AP1S3: variants seen among roughly 807,000 people sequenced by gnomAD.
The protein encoded by AP1S3 is adaptor related protein complex 1 subunit sigma 3, also known as AP-1 complex subunit sigma-3.
In AP1S3, 10 loss-of-function variants were observed where a neutral mutation model predicts 20.9. The ratio of observed to expected loss-of-function variants is 0.48; its 90% CI spans 0.29 to 0.81. AP1S3 has a LOEUF of 0.81. AP1S3 is among the 30% of genes least tolerant of loss of function. AP1S3 has a pLI of 0.08. For missense variants in AP1S3, 154 were observed against 183.8 expected (o/e 0.84, Z 0.94); for synonymous variants, 41 against 61.5 (o/e 0.67, Z 1.56).
intron 1 of AP1S3, among the ~76,000 whole-genome samples, chr2:223,828,034 G>A (rs1274520491): frequency 2.3e-5 from 3 of 127,736 alleles, no homozygotes; most frequent in Non-Finnish European, 3.1e-5. Context: ...ACTCCAGCCT[G>A]GGGTACAAGA....
At chr2:223,821,206 T>G (rs898986237) in intron 1 of AP1S3, among the ~76,000 whole-genome samples, 9 of 152,214 alleles carry the variant, frequency 5.9e-5, no homozygotes, top group African/African-American at 2.2e-4. Context: ...CAGGCTGGAG[T>G]GTGCAGTAGC....
At chr2:223,813,991 G>C (rs1691791980) in intron 1 of AP1S3, among the ~76,000 whole-genome samples, 1 of 152,174 alleles carries the variant, frequency 6.6e-6, no homozygotes, top group Non-Finnish European at 1.5e-5. Flanking sequence ...TCTGCAGAAG[G>C]CAAAATGAAA....
intron 3 of AP1S3, among the ~76,000 whole-genome samples, chr2:223,768,257 C>T (rs1285682613): frequency 6.6e-6 from 1 of 152,094 alleles, no homozygotes; most frequent in Non-Finnish European, 1.5e-5. Flanking sequence ...GAATTGTGTC[C>T]CCAAATGTCC....
intron 3 of AP1S3, chr2:223,770,178 A>T (rs754962286): frequency 1.3e-6 from 2 of 1,549,854 alleles, no homozygotes; most frequent in Non-Finnish European, 1.7e-6. Flanking sequence ...GAAAGAAGGT[A>T]TGAGAAGAAA....
intron 3 of AP1S3, chr2:223,773,445 C>T: frequency 1.7e-6 from 2 of 1,199,786 alleles, no homozygotes; most frequent in Non-Finnish European, 2.2e-6. Flanking sequence ...TGTTATTATA[C>T]ATTTGCAAAT....
At position 223,756,476 on chromosome 2, in the gene AP1S3, AAG is replaced by A. The variant is rs1690224365; in HGVS notation, c.*2237_*2238del. 1.1e-6 allele frequency: 1 copy of A among 944,582 alleles called. No individual in the cohort carries two copies. Among genetic ancestry groups the A allele is most frequent in the Admixed American group, 6.2e-5 (1 of 16,156 alleles). 58.5% of individuals were successfully genotyped at this position (944,582 alleles called of 1,614,324 possible). On this transcript the variant is annotated 3_prime_UTR_variant, in exon 5 of 5. Coordinates refer to ENST00000396654, the MANE Select transcript of AP1S3 (RefSeq NM_001039569.2). ...AAGAAAGAAAGAAAGAAAAGAAAGA[AAG>A]AAAGAAAAAAAGAAAGAAAAAATTC... is the stretch of plus-strand genomic sequence containing the variant.
intron 3 of AP1S3, 109 bp from the exon 4 acceptor site, chr2:223,765,459 A>G: frequency 8.6e-7 from 1 of 1,169,458 alleles, no homozygotes; most frequent in Non-Finnish European, 1.2e-6. Flanking sequence ...TACCAAAAAT[A>G]AAAATATCAG....
chr2:223,782,039 T>A lies in AP1S3; in HGVS notation c.4-4170A>T, dbSNP rs1212661833. Among the ~76,000 whole-genome samples, 3 of 145,396 alleles carry A rather than the reference T, an allele frequency of 2.1e-5. No homozygotes were observed. In the Admixed American group the frequency reaches 2.2e-4, roughly 11 times the overall value. ...TTTTTTTTTTTTTTTTTAGACAGAG[T>A]CTCACTCTGCCACCCAGGCTGGAGG... On this transcript the variant is annotated intron_variant, in intron 1 of 4. Coordinates refer to ENST00000396654, the MANE Select transcript of AP1S3 (RefSeq NM_001039569.2).
chr2:223,783,176 G>T (rs1253166221), intron 1 of AP1S3, among the ~76,000 whole-genome samples: 1 of 152,026 alleles, frequency 6.6e-6, no homozygotes, highest in Non-Finnish European at 1.5e-5. Flanking sequence ...GGGACAAAAG[G>T]AACAATGGAG....
Position 223,815,918 on chromosome 2 carries a change from T to A in AP1S3, c.3+21530A>T, listed in dbSNP as rs146075860. Reference sequence around the variant, plus strand: ...TGAGCCCAGGAGTTCGAGACCAGCCTGGGCAACACAGTGAAACCACATCTG... The same window carrying A: ...TGAGCCCAGGAGTTCGAGACCAGCCAGGGCAACACAGTGAAACCACATCTG... On this transcript the variant is annotated intron_variant, in intron 1 of 4. Coordinates refer to ENST00000396654, the MANE Select transcript of AP1S3 (RefSeq NM_001039569.2). Among the ~76,000 whole-genome samples the A allele has an allele frequency of 6.5e-3, 987 of 152,314 alleles. 9 individuals are homozygous for A. The highest frequency in any genetic ancestry group is 0.023 in the African/African-American group (938 of 41,558).
chr2:223,797,955 C>G (rs1389738971), intron 1 of AP1S3, among the ~76,000 whole-genome samples: 1 of 152,124 alleles, frequency 6.6e-6, no homozygotes, highest in African/African-American at 2.4e-5. Flanking sequence ...TTTCTCCTTT[C>G]TGTGGCTTCT....
intron 3 of AP1S3, among the ~76,000 whole-genome samples, chr2:223,767,520 A>G (rs1452565889): frequency 2.6e-5 from 4 of 151,714 alleles, no homozygotes; most frequent in African/African-American, 9.7e-5. Context: ...TTGAATATTC[A>G]TGTTCCTCAA....
At chr2:223,778,152 G>A (rs1041821755) in intron 1 of AP1S3, among the ~76,000 whole-genome samples, 2 of 151,352 alleles carry the variant, frequency 1.3e-5, no homozygotes, top group African/African-American at 4.9e-5. Context: ...TTGAGAAGGA[G>A]TGTCGCTCTG....
intron 4 of AP1S3, among the ~76,000 whole-genome samples, chr2:223,763,783 G>A (rs1690415105): frequency 6.6e-6 from 1 of 152,178 alleles, no homozygotes; most frequent in Non-Finnish European, 1.5e-5. Flanking sequence ...TGATGCTCTG[G>A]CTGGGCAGGA....
intron 1 of AP1S3, among the ~76,000 whole-genome samples, chr2:223,807,527 T>C (rs1691612313): frequency 6.6e-6 from 1 of 152,196 alleles, no homozygotes; most frequent in Non-Finnish European, 1.5e-5. Context: ...CATGTTCAAC[T>C]GAAATCCCCA....
chr2:223,768,021 G>A (rs1390022099), intron 3 of AP1S3, among the ~76,000 whole-genome samples: 1 of 152,138 alleles, frequency 6.6e-6, no homozygotes, highest in Non-Finnish European at 1.5e-5. Context: ...GGTGGCGGTT[G>A]TGCCTGCTCA....
At chr2:223,802,428 G>A (rs1234514146) in intron 1 of AP1S3, among the ~76,000 whole-genome samples, 4 of 151,696 alleles carry the variant, frequency 2.6e-5, no homozygotes, top group Non-Finnish European at 5.9e-5. Flanking sequence ...TCAACCTCCC[G>A]AGTAGCTGGG....
At chr2:223,822,128 G>A (rs996550149) in intron 1 of AP1S3, among the ~76,000 whole-genome samples, 6 of 152,086 alleles carry the variant, frequency 3.9e-5, no homozygotes, top group African/African-American at 1.4e-4. Flanking sequence ...AGTGGTTCAC[G>A]CCTATAATCC....
chr2:223,805,119 G>A (rs1207965864), intron 1 of AP1S3, among the ~76,000 whole-genome samples: 1 of 152,192 alleles, frequency 6.6e-6, no homozygotes, highest in African/African-American at 2.4e-5. Context: ...GGCTTAGGAA[G>A]AATGAAATAG....
Sources: allele counts gnomAD v4.1 joint callset (sites outside exome capture counted in the v4.1 genomes callset), GRCh38; gene constraint gnomAD v4.1.1; transcripts MANE v1.5; gene names NCBI Gene and HGNC (gene_info 2026-07-23, HGNC 2026-07-21).